PPP2R2B: variants seen among roughly 807,000 people sequenced by gnomAD.
PPP2R2B encodes the protein protein phosphatase 2 regulatory subunit Bbeta.
PPP2R2B carries 5 observed loss-of-function variants against 46.0 expected under a neutral mutation model. The ratio of observed to expected loss-of-function variants is 0.11; its 90% CI spans 0.06 to 0.23. PPP2R2B has a LOEUF of 0.23. Among genes scored for constraint, PPP2R2B ranks in the 10% least tolerant of loss-of-function variants. PPP2R2B has a pLI of 1.00. For missense variants in PPP2R2B, 367 were observed against 575.0 expected (o/e 0.64, Z 3.70); for synonymous variants, 215 against 206.7 (o/e 1.04, Z -0.34).
At chr5:146,798,963 G>T (rs1254597984) in intron 2 of PPP2R2B, among the ~76,000 whole-genome samples, 3 of 152,098 alleles carry the variant, frequency 2.0e-5, no homozygotes, top group Non-Finnish European at 4.4e-5. Flanking sequence ...GAGTGACTTT[G>T]AGAATTTATA....
chr5:147,008,707 G>A (rs1279804050), intron 1 of PPP2R2B, among the ~76,000 whole-genome samples: 1 of 152,074 alleles, frequency 6.6e-6, no homozygotes. Context: ...TGTTACAGAG[G>A]AGTCAGCCTC....
At chr5:146,962,487 T>C (rs952848515) in intron 1 of PPP2R2B, among the ~76,000 whole-genome samples, 1 of 151,640 alleles carries the variant, frequency 6.6e-6, no homozygotes, top group East Asian at 1.9e-4. Flanking sequence ...TGAAACCCCG[T>C]CTCTACTAAA....
At chr5:146,930,527 A>G (rs1470716805) in intron 1 of PPP2R2B, among the ~76,000 whole-genome samples, 1 of 152,168 alleles carries the variant, frequency 6.6e-6, no homozygotes, top group Non-Finnish European at 1.5e-5. Flanking sequence ...GAGAGAGGCA[A>G]TGATCACAGT....
chr5:146,753,932 T>C (rs1753698971), intron 2 of PPP2R2B, among the ~76,000 whole-genome samples: 1 of 152,104 alleles, frequency 6.6e-6, no homozygotes. Context: ...CCCTGTCTCC[T>C]GAGGGATGAG....
intron 2 of PPP2R2B, among the ~76,000 whole-genome samples, chr5:147,070,256 A>C (rs1757547118): frequency 6.6e-6 from 1 of 152,118 alleles, no homozygotes; most frequent in Middle Eastern, 3.2e-3. Context: ...GCCCATATAT[A>C]TTTACTGAAT....
At chr5:146,773,985 C>G (rs901414950) in intron 2 of PPP2R2B, among the ~76,000 whole-genome samples, 1 of 152,106 alleles carries the variant, frequency 6.6e-6, no homozygotes, top group Non-Finnish European at 1.5e-5. Flanking sequence ...ATGTCAGCCA[C>G]AGAAGGAAAT....
chr5:146,927,005 C>T (rs2151818836), intron 1 of PPP2R2B, among the ~76,000 whole-genome samples: 1 of 152,260 alleles, frequency 6.6e-6, no homozygotes, highest in African/African-American at 2.4e-5. Context: ...GAGTCTCCTT[C>T]AACATCTACA....
At chr5:147,002,422 G>A (rs765100347) in intron 1 of PPP2R2B, among the ~76,000 whole-genome samples, 16 of 152,154 alleles carry the variant, frequency 1.1e-4, no homozygotes, top group Non-Finnish European at 1.9e-4. Flanking sequence ...CCATCCCACA[G>A]GGTATGGCCC....
chr5:146,769,232 A>G (rs1754688622), intron 2 of PPP2R2B, among the ~76,000 whole-genome samples: 3 of 152,048 alleles, frequency 2.0e-5, no homozygotes, highest in Non-Finnish European at 4.4e-5. Flanking sequence ...CTATCACAGT[A>G]GTTTTCAAAA....
At chr5:146,796,667 G>C (rs1253305166) in intron 2 of PPP2R2B, among the ~76,000 whole-genome samples, 2 of 152,158 alleles carry the variant, frequency 1.3e-5, no homozygotes, top group East Asian at 3.9e-4. Flanking sequence ...TGTACAATTT[G>C]GGAAGTCCTA....
intron 1 of PPP2R2B, among the ~76,000 whole-genome samples, chr5:146,934,167 C>T (rs1194155758): frequency 6.6e-6 from 1 of 152,030 alleles, no homozygotes; most frequent in Non-Finnish European, 1.5e-5. Flanking sequence ...TTTATAGCAG[C>T]ATGATTTACA....
intron 2 of PPP2R2B, among the ~76,000 whole-genome samples, chr5:146,795,303 CAGATT>C (rs1756458157): frequency 6.6e-6 from 1 of 152,046 alleles, no homozygotes; most frequent in Admixed American, 6.6e-5. Context: ...TGTCTATCAA[CAGATT>C]AATTAATAAA....
At chr5:146,948,839 G>A (rs1292637232) in intron 1 of PPP2R2B, among the ~76,000 whole-genome samples, 1 of 152,056 alleles carries the variant, frequency 6.6e-6, no homozygotes. Context: ...ATAATTGAGT[G>A]AATGTGCAAC....
intron 7 of PPP2R2B, among the ~76,000 whole-genome samples, chr5:146,616,024 T>G (rs969296575): frequency 6.6e-6 from 1 of 152,216 alleles, no homozygotes; most frequent in Non-Finnish European, 1.5e-5. Flanking sequence ...AGCATGGTAC[T>G]GGCATAAAAA....
chr5:146,791,401 T>C (rs1192210986), intron 2 of PPP2R2B, among the ~76,000 whole-genome samples: 1 of 152,104 alleles, frequency 6.6e-6, no homozygotes, highest in African/African-American at 2.4e-5. Flanking sequence ...GCTGTGTGTA[T>C]GTGTGTGTGG....
intron 1 of PPP2R2B, among the ~76,000 whole-genome samples, chr5:146,988,646 T>C (rs1753543237): frequency 1.3e-5 from 2 of 151,816 alleles, no homozygotes; most frequent in South Asian, 4.1e-4. Context: ...TTGTAATAAA[T>C]GCCTACATCA....
At chr5:146,839,894 AC>A in intron 2 of PPP2R2B, among the ~76,000 whole-genome samples, 1 of 152,316 alleles carries the variant, frequency 6.6e-6, no homozygotes, top group East Asian at 1.9e-4. Context: ...ATTTATTTTT[AC>A]TTCCTTAGGG....
intron 1 of PPP2R2B, among the ~76,000 whole-genome samples, chr5:146,981,852 A>G (rs1753193537): frequency 6.6e-6 from 1 of 152,154 alleles, no homozygotes; most frequent in East Asian, 1.9e-4. Flanking sequence ...CAATATACAA[A>G]CTGAGACAAT....
chr5:146,774,524 G>T (rs1314204742), intron 2 of PPP2R2B, among the ~76,000 whole-genome samples: 9 of 152,090 alleles, frequency 5.9e-5, no homozygotes, highest in African/African-American at 2.2e-4. Flanking sequence ...GGATGTAAGA[G>T]AATATTATAA....
Sources: gnomAD v4.1 joint callset for allele counts (sites outside exome capture counted in the v4.1 genomes callset) on GRCh38, gnomAD v4.1.1 for gene constraint, MANE v1.5 for transcripts, NCBI Gene and HGNC (gene_info 2026-07-23, HGNC 2026-07-21) for gene names.